The following SF3B3 variants were observed in gnomAD, a reference collection of about 807,000 sequenced individuals.
SF3B3 encodes the protein splicing factor 3b subunit 3.
A neutral mutation model predicts 139.2 loss-of-function variants in SF3B3; 33 were observed. That is an observed-to-expected ratio of 0.24 (90% CI 0.18 to 0.32). The LOEUF is 0.32. Among genes scored for constraint, SF3B3 ranks in the 10% least tolerant of loss-of-function variants. SF3B3 has a pLI of 1.00. For missense variants in SF3B3, 818 were observed against 1,509.4 expected (o/e 0.54, Z 7.59); for synonymous variants, 596 against 563.6 (o/e 1.06, Z -0.81).
intron 3 of SF3B3, among the ~76,000 whole-genome samples, chr16:70,530,304 A>G (rs1282677619): frequency 7.2e-6 from 1 of 138,444 alleles, no homozygotes; most frequent in Non-Finnish European, 1.5e-5. Context: ...CAGCTCCACT[A>G]TTGTCTATTC....
At chr16:70,567,806 C>T (rs2050491278) in intron 21 of SF3B3, among the ~76,000 whole-genome samples, 1 of 152,216 alleles carries the variant, frequency 6.6e-6, no homozygotes, top group African/African-American at 2.4e-5. Context: ...CTGCCTCAGC[C>T]TCCCAAGTAG....
intron 22 of SF3B3, 138 bp from the exon 23 acceptor site, chr16:70,568,905 C>A: frequency 1.7e-6 from 1 of 601,988 alleles, no homozygotes; most frequent in Non-Finnish European, 3.0e-6. Flanking sequence ...AGAGCAGGTG[C>A]AGGACACGTG....
chr16:70,545,336 G>A (rs1359517372), intron 10 of SF3B3, among the ~76,000 whole-genome samples: 2 of 152,210 alleles, frequency 1.3e-5, no homozygotes, highest in Non-Finnish European at 2.9e-5. Flanking sequence ...CAAAGTGCTG[G>A]GATCACAGCC....
chr16:70,546,406 CT>C (rs2050268890), intron 10 of SF3B3, among the ~76,000 whole-genome samples: 1 of 152,188 alleles, frequency 6.6e-6, no homozygotes, highest in Non-Finnish European at 1.5e-5. Context: ...AATTCCAGCA[CT>C]TTAGGAGGCT....
Position 70,565,355 on chromosome 16 carries a change from A to C in SF3B3, c.2670-13A>C, listed in dbSNP as rs2050465754. On this transcript the variant is annotated splice_polypyrimidine_tract_variant and intron_variant, in intron 19 of 25. Transcript: ENST00000302516. ...GACTAAGGCCTTACTCTTGCTTCTT[A>C]TTCTGTGTGTAGTGTGGCTGTGTGC... The C allele has an allele frequency of 1.1e-5, 18 of 1,613,982 alleles. No homozygotes were observed. The highest frequency in any genetic ancestry group is 1.4e-5 in the Non-Finnish European group (17 of 1,179,946).
At chr16:70,545,686 G>C (rs1286831422) in intron 10 of SF3B3, among the ~76,000 whole-genome samples, 1 of 152,098 alleles carries the variant, frequency 6.6e-6, no homozygotes, top group African/African-American at 2.4e-5. Context: ...AAGATAATCT[G>C]GGTTTTGAAT....
intron 11 of SF3B3, among the ~76,000 whole-genome samples, chr16:70,553,759 C>G (rs2050351834): frequency 6.6e-6 from 1 of 152,140 alleles, no homozygotes; most frequent in Non-Finnish European, 1.5e-5. Context: ...AGTGTTTATT[C>G]AACTACATTT....
At chr16:70,561,046 A>C (rs1304372017) in intron 16 of SF3B3, among the ~76,000 whole-genome samples, 2 of 151,362 alleles carry the variant, frequency 1.3e-5, no homozygotes, top group African/African-American at 4.9e-5. Flanking sequence ...TTTGAGATGG[A>C]GTCTCACTCT....
intron 10 of SF3B3, among the ~76,000 whole-genome samples, chr16:70,545,805 C>G (rs887007825): frequency 2.0e-5 from 3 of 152,140 alleles, no homozygotes; most frequent in Non-Finnish European, 4.4e-5. Context: ...GAGTTGATAA[C>G]AAACAAAGCA....
Position 70,571,115 on chromosome 16 carries a change from T to C in SF3B3, c.3429T>C (p.His1143=), listed in dbSNP as rs779678702. Residue 1143 remains histidine, a synonymous_variant, in exon 25 of 26, where the codon CAT becomes CAC. Transcript: ENST00000302516. ...TSHEDHDFFQ[H]VEMHLRSEHP... is the part of the protein sequence containing the mutation. ...GCCAGGACCATGACTTCTTCCAGCA[T>C]GTGGAAATGCACCTGCGGTCTGAAC... The C allele has an allele frequency of 3.7e-6, 6 of 1,614,064 alleles. No homozygotes were observed. In the East Asian group the frequency reaches 1.1e-4, roughly 30 times the overall value.
intron 25 of SF3B3, 48 bp from the exon 26 acceptor site, chr16:70,571,624 CT>C (rs1207736139): frequency 3.2e-6 from 5 of 1,580,180 alleles, no homozygotes; most frequent in Non-Finnish European, 3.4e-6. Context: ...GTGCCATTTT[CT>C]TTGGGCATCT....
intron 5 of SF3B3, among the ~76,000 whole-genome samples, chr16:70,532,935 C>T (rs997354406): frequency 6.6e-6 from 1 of 152,186 alleles, no homozygotes; most frequent in Non-Finnish European, 1.5e-5. Flanking sequence ...GCCTCTCATT[C>T]AAACCTAACT....
In SF3B3 at chr16:70,570,039, A is replaced by G; in HGVS notation, c.3298A>G (p.Thr1100Ala). 6.2e-7 allele frequency: 1 copy of G among 1,614,026 alleles called. No individual in the cohort carries two copies. ...GATCATGAACTACCATGTCGGGGAGACGGTGCTGTCCTTGCAGAAGACCAC... is the reference window on the plus strand; with the variant it reads ...GATCATGAACTACCATGTCGGGGAGGCGGTGCTGTCCTTGCAGAAGACCAC... ...EVIMNYHVGE[T>A]VLSLQKTTLI... Residue 1100 changes from threonine to alanine, a missense_variant, in exon 24 of 26, where the codon ACG (threonine) becomes GCG (alanine). Physicochemically the swap from Thr to Ala is moderately conservative, Grantham distance 58. Coordinates refer to ENST00000302516, the MANE Select transcript of SF3B3 (RefSeq NM_012426.5).
intron 17 of SF3B3, 160 bp from the exon 18 acceptor site, chr16:70,563,716 C>T (rs542057286): frequency 1.4e-5 from 9 of 624,814 alleles, no homozygotes; most frequent in African/African-American, 7.4e-5. Context: ...GTGTCTGCAT[C>T]GCAGAGTTTT....
rs2050584331 is a variant in SF3B3 at position 70,576,716 on chromosome 16, C to A, written c.*4903C>A. 6.6e-6 allele frequency: 1 copy of A among 152,188 alleles called. No individual in the cohort carries two copies. The highest frequency in any genetic ancestry group is 2.4e-5 in the African/African-American group (1 of 41,432). 9.4% of individuals were successfully genotyped at this position (152,188 alleles called of 1,614,324 possible). On this transcript the variant is annotated 3_prime_UTR_variant, in exon 26 of 26. Coordinates refer to ENST00000302516, the MANE Select transcript of SF3B3 (RefSeq NM_012426.5). ...AAAGCAATCAGAAACGAGATTCCAC[C>A]TGCCAAATGCCAAGAGGCAGCAAAG... is the stretch of plus-strand genomic sequence containing the variant.
intron 13 of SF3B3, among the ~76,000 whole-genome samples, chr16:70,555,716 G>A (rs2050374194): frequency 6.6e-6 from 1 of 152,122 alleles, no homozygotes; most frequent in Admixed American, 6.6e-5. Context: ...CTTCTATATG[G>A]AAGGATGTTC....
intron 1 of SF3B3, 125 bp from the exon 2 acceptor site, chr16:70,526,460 TCA>T (rs1484886657): frequency 9.4e-6 from 5 of 529,144 alleles, no homozygotes; most frequent in African/African-American, 2.0e-5. Flanking sequence ...CCACGCCCGG[TCA>T]CATATGTTGT....
chr16:70,531,034 A>G (rs1455796830), intron 4 of SF3B3, 117 bp downstream of exon 4: 3 of 835,296 alleles, frequency 3.6e-6, no homozygotes, highest in African/African-American at 1.7e-5. Context: ...TTGGGAGGCA[A>G]GGCTGGCGGA....
chr16:70,540,187 G>A (rs2050206442), intron 8 of SF3B3, among the ~76,000 whole-genome samples: 1 of 149,226 alleles, frequency 6.7e-6, no homozygotes, highest in African/African-American at 2.4e-5. Context: ...CTGAGGTCGG[G>A]AGTTCGAGAC....
Sources: gnomAD v4.1 joint callset for allele counts (sites outside exome capture counted in the v4.1 genomes callset) on GRCh38, gnomAD v4.1.1 for gene constraint, MANE v1.5 for transcripts, NCBI Gene and HGNC (gene_info 2026-07-23, HGNC 2026-07-21) for gene names.